CELF1: variants seen among roughly 807,000 people sequenced by gnomAD.
CELF1 encodes CUGBP Elav-like family member 1, also known as 50 kDa nuclear polyadenylated RNA-binding protein.
CELF1 carries 10 observed loss-of-function variants against 61.8 expected under a neutral mutation model. That is an observed-to-expected ratio of 0.16 (90% CI 0.10 to 0.27). The LOEUF (loss-of-function observed/expected upper bound fraction) is 0.27, where lower values mean the gene tolerates loss of function less well. Among genes scored for constraint, CELF1 ranks in the 10% least tolerant of loss-of-function variants. The pLI is 1.00. For synonymous variants in CELF1, 236 were observed against 225.1 expected (o/e 1.05, Z -0.43); for missense variants, 380 against 639.1 (o/e 0.59, Z 4.37).
Position 47,549,849 on chromosome 11 carries a change from C to T in CELF1, c.-154+3143G>A, listed in dbSNP as rs1205790614. Among the ~76,000 whole-genome samples the T allele has an allele frequency of 3.3e-5, 5 of 149,762 alleles. No homozygotes were observed. The Admixed American group carries it at 3.3e-4, about 10-fold the overall frequency. On this transcript the variant is annotated intron_variant, in intron 1 of 14. Transcript: ENST00000687097. Reference sequence around the variant, plus strand: ...TTTTTTTTTCTGAGACAGAGTCTTGCCTTGTTGCCCAGGCTGGAGTGCAGT... The same window carrying T: ...TTTTTTTTTCTGAGACAGAGTCTTGTCTTGTTGCCCAGGCTGGAGTGCAGT...
intron 1 of CELF1, among the ~76,000 whole-genome samples, chr11:47,531,830 C>T (rs905325394): frequency 5.9e-5 from 9 of 152,192 alleles, no homozygotes; most frequent in Admixed American, 2.6e-4. Context: ...TAGCATTTAT[C>T]ATCATCTCTT....
chr11:47,508,569 T>TA (rs10547247), intron 1 of CELF1, among the ~76,000 whole-genome samples: 1 of 138,546 alleles, frequency 7.2e-6, no homozygotes, highest in African/African-American at 2.7e-5. Flanking sequence ...TGAATTTCTT[T>TA]AAAAAAAAAA....
rs1426089876 is a variant in CELF1 at position 47,541,704 on chromosome 11, A to G, written c.-154+11288T>C. Among the ~76,000 whole-genome samples, 2 of 1,492 alleles carry G rather than the reference A, an allele frequency of 1.3e-3. 1 individual carries two copies. Among genetic ancestry groups the G allele is most frequent in the African/African-American group, 1.6e-3 (2 of 1,228 alleles). 1.0% of individuals were successfully genotyped at this position (1,492 alleles called of 152,430 possible). A position where few individuals can be genotyped will look rare whatever the true frequency, so the allele number is the denominator to read the frequency against. On this transcript the variant is annotated intron_variant, in intron 1 of 14. Coordinates refer to ENST00000687097, the MANE Select transcript of CELF1 (RefSeq NM_001376376.1). ...AGACTGTCAAAGAAAGAAAGAAAGA[A>G]AGAAAGAAAGAAAGAAAGAAAGAAC...
Position 47,517,260 on chromosome 11 carries a change from G to GAA in CELF1, c.-153-16330_-153-16329dup, listed in dbSNP as rs57071560. Among the ~76,000 whole-genome samples, 118 of 77,010 alleles carry GAA rather than the reference G, an allele frequency of 1.5e-3. 1 individual carries two copies. The highest frequency in any genetic ancestry group is 4.9e-3 in the East Asian group (17 of 3,436). The allele number at this position is 77,010 out of a possible 152,430, so 50.5% of individuals were successfully genotyped here. On this transcript the variant is annotated intron_variant, in intron 1 of 14. Coordinates refer to ENST00000687097, the MANE Select transcript of CELF1 (RefSeq NM_001376376.1). ...GAGCCTGTCTAAAAAAACAAACAGAGAAAAAAAAAAAAAAAAAAAGACATG... is the reference window on the plus strand; with the variant it reads ...GAGCCTGTCTAAAAAAACAAACAGAGAAAAAAAAAAAAAAAAAAAAAGACATG...
intron 1 of CELF1, among the ~76,000 whole-genome samples, chr11:47,512,073 CT>C (rs2095236793): frequency 6.6e-6 from 1 of 152,160 alleles, no homozygotes; most frequent in African/African-American, 2.4e-5. Flanking sequence ...TGGTCTTGAA[CT>C]CCTGAGTTTA....
At chr11:47,560,864 C>T (rs959375794) in intron 2 of CELF1, among the ~76,000 whole-genome samples, 1 of 152,146 alleles carries the variant, frequency 6.6e-6, no homozygotes, top group African/African-American at 2.4e-5. Flanking sequence ...TCTGGCTGGG[C>T]GCAGTGGCTC....
chr11:47,494,076 C>G (rs1256440848), intron 3 of CELF1, among the ~76,000 whole-genome samples: 1 of 152,184 alleles, frequency 6.6e-6, no homozygotes, highest in Non-Finnish European at 1.5e-5. Flanking sequence ...CCAGTGAATT[C>G]AGCAGTTCCC....
chr11:47,502,339 C>A (rs1235077497), intron 1 of CELF1, among the ~76,000 whole-genome samples: 1 of 152,072 alleles, frequency 6.6e-6, no homozygotes, highest in Non-Finnish European at 1.5e-5. Flanking sequence ...TAATTAAATT[C>A]AACATACTTT....
chr11:47,489,071 C>G, intron 3 of CELF1, 47 bp from the exon 4 acceptor site: 1 of 1,399,766 alleles, frequency 7.1e-7, no homozygotes, highest in Non-Finnish European at 9.4e-7. Context: ...ATGTTGCTTT[C>G]CAGAGGAAAT....
At chr11:47,536,610 CA>C (rs1378979592) in intron 1 of CELF1, among the ~76,000 whole-genome samples, 2 of 151,958 alleles carry the variant, frequency 1.3e-5, no homozygotes, top group East Asian at 3.9e-4. Context: ...AAAAAAAATA[CA>C]AAAATTACCT....
At chr11:47,497,151 T>TG (rs1408591071) in intron 3 of CELF1, among the ~76,000 whole-genome samples, 1 of 152,162 alleles carries the variant, frequency 6.6e-6, no homozygotes, top group Non-Finnish European at 1.5e-5. Context: ...TTACTTTTTG[T>TG]GGGGAAGTCT....
At chr11:47,510,989 C>A (rs889539730) in intron 1 of CELF1, among the ~76,000 whole-genome samples, 1 of 151,694 alleles carries the variant, frequency 6.6e-6, no homozygotes, top group Non-Finnish European at 1.5e-5. Context: ...TGAGACCAGC[C>A]TGGGCAACAT....
At chr11:47,519,301 A>G (rs2095734948) in intron 1 of CELF1, among the ~76,000 whole-genome samples, 1 of 152,048 alleles carries the variant, frequency 6.6e-6, no homozygotes, top group Non-Finnish European at 1.5e-5. Flanking sequence ...CAACGGGGTG[A>G]AACCCCATCT....
rs2076897805 is a variant in CELF1 at position 47,467,665 on chromosome 11, C to T, written c.*4565G>A. The T allele has an allele frequency of 6.6e-6, 1 of 152,304 alleles. No individual in the cohort carries two copies. The highest frequency in any genetic ancestry group is 1.5e-5 in the Non-Finnish European group (1 of 68,136). The allele number at this position is 152,304 out of a possible 1,614,324, so 9.4% of individuals were successfully genotyped here. ...ATGTGCTAAATAAGCCTCTTACCCACCTGCTGCCACCTTCTAGGCTCTACC... is the reference window on the plus strand; with the variant it reads ...ATGTGCTAAATAAGCCTCTTACCCATCTGCTGCCACCTTCTAGGCTCTACC... On this transcript the variant is annotated 3_prime_UTR_variant, in exon 15 of 15. Coordinates refer to ENST00000687097, the MANE Select transcript of CELF1 (RefSeq NM_001376376.1).
At chr11:47,521,158 A>T (rs1382975101) in intron 1 of CELF1, among the ~76,000 whole-genome samples, 1 of 151,560 alleles carries the variant, frequency 6.6e-6, no homozygotes, top group Non-Finnish European at 1.5e-5. Context: ...AGGCTGAGGC[A>T]GGAGAATGGC....
intron 9 of CELF1, among the ~76,000 whole-genome samples, chr11:47,481,102 C>CTTTTTTTTTTTTTTTTTTTTT (rs1187959061): frequency 7.0e-5 from 5 of 71,418 alleles, no homozygotes; most frequent in Non-Finnish European, 9.5e-5. Flanking sequence ...TTTTCTTCTT[C>CTTTTTTTTTTTTTTTTTTTTT]TTTTTTTTTT....
At position 47,520,699 on chromosome 11, in the gene CELF1, C is replaced by A. The variant is rs545553002; in HGVS notation, c.-153-19767G>T. On this transcript the variant is annotated intron_variant, in intron 1 of 14. Coordinates refer to ENST00000687097, the MANE Select transcript of CELF1 (RefSeq NM_001376376.1). ...TGGCGGCATGTGCCTGTGGTCCCAG[C>A]CACTCAGGAGGCTGAGGTGGGAGGA... is the stretch of plus-strand genomic sequence containing the variant. Among the ~76,000 whole-genome samples the A allele has an allele frequency of 4.6e-5, 7 of 152,274 alleles. No homozygotes were observed. In the East Asian group the frequency reaches 1.4e-3, roughly 29 times the overall value.
rs745360246 is a variant in CELF1 at position 47,499,442 on chromosome 11, A to G, written c.71+11T>C. ...TGCTTATGATAAAAATTAGACAACAAAAATACTTACACGGGACTGGAATTC... is the reference window on the plus strand; with the variant it reads ...TGCTTATGATAAAAATTAGACAACAGAAATACTTACACGGGACTGGAATTC... On this transcript the variant is annotated intron_variant, in intron 3 of 14. Transcript: ENST00000687097. 6.5e-7 allele frequency: 1 copy of G among 1,533,704 alleles called. No individual in the cohort carries two copies. The highest frequency in any genetic ancestry group is 1.2e-5 in the South Asian group (1 of 83,996).
At position 47,549,820 on chromosome 11, in the gene CELF1, G is replaced by GTTT. The variant is rs143103415; in HGVS notation, c.-154+3169_-154+3171dup. On this transcript the variant is annotated intron_variant, in intron 1 of 14. Coordinates refer to ENST00000687097, the MANE Select transcript of CELF1 (RefSeq NM_001376376.1). ...TTAGTAAATGTTGTGGGTTTTTTTTGTTTTTTTTTTTTCTGAGACAGAGTC... is the reference window on the plus strand; with the variant it reads ...TTAGTAAATGTTGTGGGTTTTTTTTGTTTTTTTTTTTTTTTCTGAGACAGAGTC... Among the ~76,000 whole-genome samples, 782 of 145,138 alleles carry GTTT rather than the reference G, an allele frequency of 5.4e-3. 8 individuals are homozygous for GTTT. Among genetic ancestry groups the GTTT allele is most frequent in the African/African-American group, 0.018 (724 of 39,514 alleles).
Sources: allele counts gnomAD v4.1 joint callset (sites outside exome capture counted in the v4.1 genomes callset), GRCh38; gene constraint gnomAD v4.1.1; transcripts MANE v1.5; gene names NCBI Gene and HGNC (gene_info 2026-07-23, HGNC 2026-07-21).